NBAS: variants seen among roughly 807,000 people sequenced by gnomAD.
NBAS encodes NAG/BC035112 fusion.
In NBAS, 219 loss-of-function variants were observed where a neutral mutation model predicts 302.5. The observed-to-expected ratio is 0.72, with a 90% CI of 0.65 to 0.81. The LOEUF (loss-of-function observed/expected upper bound fraction) is 0.81, where lower values mean the gene tolerates loss of function less well. Ranked by LOEUF, NBAS falls within the 30% of genes least tolerant of loss-of-function variation. The probability of loss-of-function intolerance (pLI) is 0.00; values close to 1 mark genes in which losing one functional copy is unlikely to be tolerated. For missense variants in NBAS, 2,932 were observed against 2,841.6 expected (o/e 1.03, Z -0.72); for synonymous variants, 1,118 against 1,021.6 (o/e 1.09, Z -1.80).
chr2:14,854,633 A>T, the NBAS span, among the ~76,000 whole-genome samples: 19 of 152,164 alleles, frequency 1.2e-4, no homozygotes, highest in African/African-American at 4.3e-4. Context: ...GACCTGGGGC[A>T]GGGAAAACAC....
the NBAS span, among the ~76,000 whole-genome samples, chr2:15,114,284 A>C: frequency 6.6e-6 from 1 of 152,108 alleles, no homozygotes; most frequent in South Asian, 2.1e-4. Context: ...TGTTGGCAGG[A>C]TTGGTTTCCC....
chr2:15,050,357 C>T, the NBAS span, among the ~76,000 whole-genome samples: 2 of 151,410 alleles, frequency 1.3e-5, no homozygotes, highest in African/African-American at 4.9e-5. Flanking sequence ...GGTCCACAGT[C>T]CTTTATCCAA....
At chr2:15,528,727 C>T (rs1663057483) in intron 9 of NBAS, among the ~76,000 whole-genome samples, 1 of 149,670 alleles carries the variant, frequency 6.7e-6, no homozygotes, top group African/African-American at 2.4e-5. Context: ...ATTAGCCGGA[C>T]CTGATGGCAA....
the NBAS span, among the ~76,000 whole-genome samples, chr2:15,085,473 G>A: frequency 6.6e-6 from 1 of 152,140 alleles, no homozygotes; most frequent in Non-Finnish European, 1.5e-5. Context: ...GGGCAATGTG[G>A]GGAGCTCATG....
chr2:15,229,780 G>A (rs1242507439), intron 47 of NBAS, among the ~76,000 whole-genome samples: 14 of 142,298 alleles, frequency 9.8e-5, no homozygotes, highest in Non-Finnish European at 1.7e-4. Context: ...CAAACTCCAC[G>A]TAAAAAAAAA....
the NBAS span, among the ~76,000 whole-genome samples, chr2:15,104,562 A>G: frequency 6.6e-6 from 1 of 151,864 alleles, no homozygotes; most frequent in African/African-American, 2.4e-5. Context: ...TTGAGTATAT[A>G]CCCAATAATG....
chr2:15,409,553 A>G (rs887590885), intron 25 of NBAS, among the ~76,000 whole-genome samples: 1 of 152,186 alleles, frequency 6.6e-6, no homozygotes, highest in Non-Finnish European at 1.5e-5. Context: ...ATTCTTTTGA[A>G]TCCATCCATT....
At chr2:15,228,665 C>G (rs1188641557) in intron 47 of NBAS, among the ~76,000 whole-genome samples, 1 of 152,130 alleles carries the variant, frequency 6.6e-6, no homozygotes, top group East Asian at 1.9e-4. Flanking sequence ...CAGTGAAATC[C>G]TGTCATTTGC....
At chr2:15,130,633 G>A in the NBAS span, among the ~76,000 whole-genome samples, 1 of 152,388 alleles carries the variant, frequency 6.6e-6, no homozygotes, top group East Asian at 1.9e-4. Context: ...CCAAACTGGA[G>A]AGCTGATCCT....
chr2:15,281,883 C>T (rs1669840947), intron 42 of NBAS, among the ~76,000 whole-genome samples: 1 of 152,148 alleles, frequency 6.6e-6, no homozygotes, highest in Non-Finnish European at 1.5e-5. Context: ...TTACAAGTTA[C>T]AGATATATGG....
the NBAS span, among the ~76,000 whole-genome samples, chr2:15,119,771 T>C: frequency 6.6e-6 from 1 of 152,202 alleles, no homozygotes; most frequent in Admixed American, 6.5e-5. Flanking sequence ...CCTCTGAGAA[T>C]TGCTGACAGC....
At chr2:15,080,544 C>A in the NBAS span, among the ~76,000 whole-genome samples, 1 of 152,352 alleles carries the variant, frequency 6.6e-6, no homozygotes, top group East Asian at 1.9e-4. Context: ...TAAAAAACAA[C>A]CATTTGACTA....
At chr2:15,205,960 G>A (rs114085649) in intron 48 of NBAS, among the ~76,000 whole-genome samples, 3 of 152,104 alleles carry the variant, frequency 2.0e-5, no homozygotes, top group Non-Finnish European at 4.4e-5. Context: ...AATCAGTACC[G>A]AGATAGTGGG....
At chr2:15,087,223 A>AAC in the NBAS span, among the ~76,000 whole-genome samples, 33,144 of 142,986 alleles carry the variant, frequency 0.23, 3,802 homozygotes, top group African/African-American at 0.31. Flanking sequence ...TTTTTATACA[A>AAC]ACACACACAC....
chr2:14,931,885 T>G, the NBAS span, among the ~76,000 whole-genome samples: 1 of 152,248 alleles, frequency 6.6e-6, no homozygotes, highest in African/African-American at 2.4e-5. Flanking sequence ...TTCTTATGTA[T>G]TAGAATTTAA....
chr2:15,033,600 G>A, the NBAS span, among the ~76,000 whole-genome samples: 1 of 152,076 alleles, frequency 6.6e-6, no homozygotes, highest in African/African-American at 2.4e-5. Flanking sequence ...TGGTATTTGG[G>A]GATAGGGCCT....
At chr2:15,352,168 C>A in intron 34 of NBAS, 87 bp from the exon 35 acceptor site, 3 of 923,654 alleles carry the variant, frequency 3.2e-6, no homozygotes, top group Non-Finnish European at 3.4e-6. Context: ...TTAAAAAGTA[C>A]TTTTAAAAAG....
intron 40 of NBAS, 33 bp from the exon 41 acceptor site, chr2:15,292,799 C>A (rs1670371218): frequency 4.4e-6 from 7 of 1,590,452 alleles, no homozygotes; most frequent in South Asian, 1.1e-5. Context: ...GACATTTTAC[C>A]AACATCATAC....
At chr2:15,026,019 A>G in the NBAS span, among the ~76,000 whole-genome samples, 1 of 152,122 alleles carries the variant, frequency 6.6e-6, no homozygotes, top group African/African-American at 2.4e-5. Context: ...GAGTGTTGAG[A>G]GTAGACATCC....
Sources: gnomAD v4.1 joint callset for allele counts (sites outside exome capture counted in the v4.1 genomes callset) on GRCh38, gnomAD v4.1.1 for gene constraint, MANE v1.5 for transcripts, NCBI Gene and HGNC (gene_info 2026-07-23, HGNC 2026-07-21) for gene names.